POLQ: variants seen among roughly 807,000 people sequenced by gnomAD.
The protein encoded by POLQ is DNA polymerase theta, also known as epididymis secretory sperm binding protein.
A neutral mutation model predicts 259.2 loss-of-function variants in POLQ; 233 were observed. The observed-to-expected ratio is 0.90, with a 90% CI of 0.81 to 1.00. The LOEUF is 1.00. POLQ is among the 50% of genes least tolerant of loss of function. The pLI is 0.00. For synonymous variants in POLQ, 1,025 were observed against 1,048.8 expected, an observed-to-expected ratio of 0.98 and a Z score of 0.44; for missense variants, 2,871 against 3,051.6, an observed-to-expected ratio of 0.94 and a Z score of 1.39.
chr3:121,485,281 G>A, intron 16 of POLQ, 97 bp from the exon 17 acceptor site: 1 of 780,592 alleles, frequency 1.3e-6, no homozygotes, highest in Non-Finnish European at 1.9e-6. Flanking sequence ...ATCTTTGATA[G>A]GCAAAATTTC....
chr3:121,455,586 T>C (rs1322348249), intron 25 of POLQ, among the ~76,000 whole-genome samples: 6 of 151,024 alleles, frequency 4.0e-5, no homozygotes, highest in Admixed American at 3.3e-4. Context: ...CAAACTACCA[T>C]CAGAGAATAC....
At chr3:121,483,634 T>C (rs763051171) in intron 17 of POLQ, 52 bp from the exon 18 acceptor site, 9 of 1,321,980 alleles carry the variant, frequency 6.8e-6, no homozygotes, top group African/African-American at 3.0e-5. Flanking sequence ...AAAAATTACA[T>C]GCATTCATTT....
intron 25 of POLQ, among the ~76,000 whole-genome samples, chr3:121,454,282 CA>C (rs1455030121): frequency 6.6e-6 from 1 of 152,156 alleles, no homozygotes. Flanking sequence ...AAAATCATGC[CA>C]AATTGTAAAG....
rs1426540015 is a variant in POLQ, at chr3:121,496,805, G to A, written c.2278+3C>T. 5.6e-6 allele frequency: 9 copies of A among 1,607,224 alleles called. No individual in the cohort carries two copies. The highest frequency in any genetic ancestry group is 4.5e-5 in the East Asian group (2 of 44,818). The stretch of plus-strand genomic sequence containing the variant: ...TAAATGTGAAACCCTTTGTTTAACT[G>A]ACCTGCATAAACAGCAGCTGACTGT... On this transcript the variant is annotated splice_donor_region_variant and intron_variant, in intron 14 of 29. Transcript: ENST00000264233.
At chr3:121,487,215 A>C (rs1284416687) in intron 16 of POLQ, 87 bp downstream of exon 16, 2 of 705,296 alleles carry the variant, frequency 2.8e-6, no homozygotes, top group African/African-American at 3.6e-5. Flanking sequence ...GATTATATTT[A>C]ATATCTAACA....
At chr3:121,525,286 G>A (rs958583951) in intron 7 of POLQ, among the ~76,000 whole-genome samples, 11 of 151,646 alleles carry the variant, frequency 7.3e-5, no homozygotes, top group Admixed American at 3.9e-4. Context: ...GCTTGCAGTG[G>A]GCCAAGATAG....
rs2048001959 is a variant in POLQ at position 121,485,179 on chromosome 3, A to G, written c.5635T>C (p.Ser1879Pro). Residue 1879 changes from serine (S) to proline (P), a missense_variant, in exon 17 of 30, where the codon TCA (serine) becomes CCA (proline). Physicochemically the swap from Ser to Pro is moderately conservative, Grantham distance 74 (BLOSUM62 -1). This residue lies in a region of POLQ where 2,080 missense variants were observed against 2,126.0 expected (regional missense o/e 0.98). Transcript: ENST00000264233. ...TIGSRFKQAS[S>P]PQEIPIRDDG... The stretch of plus-strand genomic sequence containing the variant: ...TCTCTAATAGGAATTTCCTGAGGTG[A>G]GCTAGCTAAGTAAAACAAAAGTGAA... 4 of 1,584,044 alleles carry G rather than the reference A, an allele frequency of 2.5e-6. No homozygotes were observed. The East Asian group carries it at 9.0e-5, about 36-fold the overall frequency.
intron 26 of POLQ, 51 bp downstream of exon 26, chr3:121,449,264 A>C (rs1214795949): frequency 2.1e-6 from 2 of 950,230 alleles, no homozygotes; most frequent in South Asian, 1.6e-5. Context: ...ATTTTTAAAA[A>C]TATAATATGG....
At chr3:121,501,486 C>A (rs1347268848) in intron 12 of POLQ, among the ~76,000 whole-genome samples, 1 of 149,122 alleles carries the variant, frequency 6.7e-6, no homozygotes, top group Non-Finnish European at 1.5e-5. Context: ...GGTGAAACCC[C>A]GTCTCTACTA....
At position 121,490,055 on chromosome 3, in the gene POLQ, A is replaced by C; in HGVS notation, c.2876T>G (p.Leu959Ter). 1 of 1,572,704 alleles carries C rather than the reference A, an allele frequency of 6.4e-7. No individual in the cohort carries two copies. Residue 959 changes from leucine to a stop codon, truncating the protein, a stop_gained, in exon 16 of 30, where the codon TTA (leucine) becomes TGA (stop). Transcript: ENST00000264233. LOFTEE classifies it high-confidence loss of function. Reference protein sequence around the residue: ...IKHSPNIVQDLNKSREHTSSF... With the variant: ...IKHSPNIVQD ...ACTTGTATGCTCTCTACTTTTATTT[A>C]AGTCTTGCACTATATTTGGTGAATG... is the stretch of plus-strand genomic sequence containing the variant.
rs140009334 is a variant in POLQ at position 121,446,127 on chromosome 3, G to A, written c.7264+3188C>T. On this transcript the variant is annotated intron_variant, in intron 26 of 29. Transcript: ENST00000264233. ...GCTTTTGCTGTATCCCATAGGTGTT[G>A]GTGTGTTGTATTTCCATTGTCATTT... 8.1e-3 allele frequency among the ~76,000 whole-genome samples: 1,222 copies of A among 151,116 alleles called. 15 individuals carry two copies. The highest frequency in any genetic ancestry group is 0.028 in the African/African-American group (1,160 of 41,154).
rs757316650 is a variant in POLQ, at chr3:121,449,342, T to C, written c.7237A>G (p.Ile2413Val). The C allele has an allele frequency of 6.3e-7, 1 of 1,578,110 alleles. No individual in the cohort carries two copies. Among genetic ancestry groups the C allele is most frequent in the Non-Finnish European group, 8.7e-7 (1 of 1,147,308 alleles). ...GTGTATCTGGATTTGAAGGAGTCAATATAGCATGCAGCATCATTTTCTTTA... is the reference window on the plus strand; with the variant it reads ...GTGTATCTGGATTTGAAGGAGTCAACATAGCATGCAGCATCATTTTCTTTA... Reference protein sequence around the residue: ...GIKENDAACYIDSFKSRYTGI... With the variant: ...GIKENDAACYVDSFKSRYTGI... Residue 2413 changes from isoleucine to valine, a missense_variant, in exon 26 of 30, where the codon ATT (isoleucine) becomes GTT (valine). By Grantham distance (29) the Ile-to-Val change is conservative (BLOSUM62 3). Transcript: ENST00000264233.
chr3:121,453,136 G>A (rs532447036), intron 25 of POLQ, among the ~76,000 whole-genome samples: 1 of 152,216 alleles, frequency 6.6e-6, no homozygotes, highest in African/African-American at 2.4e-5. Flanking sequence ...CCAAGGTCTG[G>A]AGTGGACATC....
chr3:121,497,702 G>T (rs538068126), intron 13 of POLQ, among the ~76,000 whole-genome samples: 1 of 152,172 alleles, frequency 6.6e-6, no homozygotes, highest in Non-Finnish European at 1.5e-5. Context: ...CTCCCAAAGT[G>T]CTGGGATTAC....
At chr3:121,475,208 C>T (rs192664646) in intron 20 of POLQ, among the ~76,000 whole-genome samples, 1 of 152,276 alleles carries the variant, frequency 6.6e-6, no homozygotes, top group Non-Finnish European at 1.5e-5. Context: ...CCCCATTTCC[C>T]CGCTCCCTAC....
intron 14 of POLQ, among the ~76,000 whole-genome samples, chr3:121,495,564 C>T (rs1354111370): frequency 6.6e-6 from 1 of 151,932 alleles, no homozygotes; most frequent in East Asian, 1.9e-4. Flanking sequence ...TCCCTCCCGG[C>T]CGGGCGCGGG....
At chr3:121,541,737 C>T (rs532214501) in intron 2 of POLQ, among the ~76,000 whole-genome samples, 2 of 152,120 alleles carry the variant, frequency 1.3e-5, no homozygotes, top group East Asian at 3.9e-4. Context: ...CTAGTTTATA[C>T]CTAAAGATCC....
At position 121,431,575 on chromosome 3, in the gene POLQ, T is replaced by C. The variant is rs2047492588; in HGVS notation, c.*729A>G. ...CACTAAGGGACTGATAAGGGGGTAT[T>C]TTCTGTCTCTGGCAGTATTATATTG... On this transcript the variant is annotated 3_prime_UTR_variant, in exon 30 of 30. Coordinates refer to ENST00000264233, the MANE Select transcript of POLQ (RefSeq NM_199420.4). The C allele has an allele frequency of 6.6e-6, 1 of 152,574 alleles. No homozygotes were observed. Among genetic ancestry groups the C allele is most frequent in the South Asian group, 2.1e-4 (1 of 4,828 alleles). 9.5% of individuals were successfully genotyped at this position (152,574 alleles called of 1,614,324 possible). A position where few individuals can be genotyped will look rare whatever the true frequency, so the allele number is the denominator to read the frequency against.
At position 121,489,721 on chromosome 3, in the gene POLQ, C is replaced by A. The variant is rs141721468; in HGVS notation, c.3210G>T (p.Gln1070His). 6.2e-7 allele frequency: 1 copy of A among 1,612,784 alleles called. No homozygotes were observed. The highest frequency in any genetic ancestry group is 8.5e-7 in the Non-Finnish European group (1 of 1,179,706). The change falls in exon 16 of 30, where the codon CAG becomes CAT. Residue 1070 changes from glutamine to histidine, a missense_variant. Coordinates refer to ENST00000264233, the MANE Select transcript of POLQ (RefSeq NM_199420.4). ...CACAAAGACTAGGATTAGACAGAGT[C>A]TGTCCTTGTAAATGGATTCTACACG... Reference protein sequence around the residue: ...SGACRIHLQGQTLSNPSLCED... With the variant: ...SGACRIHLQGHTLSNPSLCED...
Sources: gnomAD v4.1 joint callset for allele counts (sites outside exome capture counted in the v4.1 genomes callset) on GRCh38, gnomAD v4.1.1 for gene constraint, gnomAD v4.1.1 regional missense constraint, MANE v1.5 for transcripts, NCBI Gene and HGNC (gene_info 2026-07-23, HGNC 2026-07-21) for gene names.